Variants in ZBTB25 observed in about 807,000 individuals in gnomAD.
ZBTB25 encodes the protein zinc finger and BTB domain containing 25, also known as zinc finger and BTB domain-containing protein 25.
A neutral mutation model predicts 34.2 loss-of-function variants in ZBTB25; 20 were observed. The ratio of observed to expected loss-of-function variants is 0.58; its 90% CI spans 0.41 to 0.85. ZBTB25 has a LOEUF of 0.85. Ranked by LOEUF, ZBTB25 falls within the 40% of genes least tolerant of loss-of-function variation. ZBTB25 has a pLI of 0.00. For synonymous variants in ZBTB25, 175 were observed against 186.4 expected, an observed-to-expected ratio of 0.94 and a Z score of 0.50; for missense variants, 437 against 521.8, an observed-to-expected ratio of 0.84 and a Z score of 1.58.
At chr14:64,490,313 T>C (rs1386277829) in intron 2 of ZBTB25, 48 bp downstream of exon 2, 3 of 1,407,962 alleles carry the variant, frequency 2.1e-6, no homozygotes, top group Non-Finnish European at 2.9e-6. Flanking sequence ...ATAAAGCTTA[T>C]ATAAATCACA....
Position 64,487,284 on chromosome 14 carries a change from G to A in ZBTB25, c.947C>T (p.Thr316Ile). Residue 316 changes from threonine to isoleucine, a missense_variant, in exon 3 of 3, where the codon ACC becomes ATC. Thr to Ile is a moderately conservative substitution (Grantham distance 89). Coordinates refer to ENST00000608382, the MANE Select transcript of ZBTB25 (RefSeq NM_006977.5). Reference protein sequence around the residue: ...EQQPDHTNRGTTEPLQISQVS... With the variant: ...EQQPDHTNRGITEPLQISQVS... ...TTGACTGATCTGCAAAGGCTCTGTG[G>A]TACCCCGGTTGGTGTGGTCTGGCTG... 1 of 1,614,030 alleles carries A rather than the reference G, an allele frequency of 6.2e-7. No individual in the cohort carries two copies. The highest frequency in any genetic ancestry group is 8.5e-7 in the Non-Finnish European group (1 of 1,180,038).
At chr14:64,468,020 T>G (rs143246842) in intron 2 of ZBTB25, 1 of 156,476 alleles carries the variant, frequency 6.4e-6, no homozygotes, top group East Asian at 1.9e-4. Flanking sequence ...TTTCATTAAG[T>G]TATTATATGG....
chr14:64,468,679 A>C (rs964224672), intron 2 of ZBTB25: 17 of 1,614,104 alleles, frequency 1.1e-5, no homozygotes, highest in Non-Finnish European at 1.4e-5. Flanking sequence ...CAGAGTCTTC[A>C]AAGCAGCAAA....
Position 64,465,066 on chromosome 14 carries a change from T to G in ZBTB25, c.174-15428A>C, listed in dbSNP as rs1197683662. On this transcript the variant is annotated intron_variant, in intron 2 of 2. Transcript: ENST00000555220. ...GACCTCGCTATTCTATGCACAGTTT[T>G]GAATCCTGCTTTTAAAATGCGATGT... Among the ~76,000 whole-genome samples, 4 of 152,370 alleles carry G rather than the reference T, an allele frequency of 2.6e-5. 1 individual carries two copies. In the South Asian group the frequency reaches 8.3e-4, roughly 32 times the overall value.
chr14:64,475,364 G>A (rs1431744689), downstream of ZBTB25, among the ~76,000 whole-genome samples: 1 of 151,912 alleles, frequency 6.6e-6, no homozygotes, highest in Admixed American at 6.6e-5. Flanking sequence ...GCGTGAACCC[G>A]GGAGGCAGAG....
Position 64,485,544 on chromosome 14 carries a change from G to GT in ZBTB25, c.*1378dup, listed in dbSNP as rs1352056253. 8 of 985,144 alleles carry GT rather than the reference G, an allele frequency of 8.1e-6. No homozygotes were observed. The highest frequency in any genetic ancestry group is 9.6e-6 in the Non-Finnish European group (8 of 829,884). 61.0% of individuals were successfully genotyped at this position (985,144 alleles called of 1,614,324 possible). ...TTAATTTTCCTGGGGTTTTAGCTTTGTAAGTGTCACCATTATAAAAGAGAG... is the reference window on the plus strand; with the variant it reads ...TTAATTTTCCTGGGGTTTTAGCTTTGTTAAGTGTCACCATTATAAAAGAGAG... On this transcript the variant is annotated 3_prime_UTR_variant, in exon 3 of 3. Coordinates refer to ENST00000608382, the MANE Select transcript of ZBTB25 (RefSeq NM_006977.5).
downstream of ZBTB25, among the ~76,000 whole-genome samples, chr14:64,476,912 T>C (rs1469955519): frequency 1.3e-5 from 2 of 152,186 alleles, no homozygotes; most frequent in Non-Finnish European, 2.9e-5. Flanking sequence ...ATCACTAGGG[T>C]TCATCAAACT....
chr14:64,463,712 G>C (rs1446209483), intron 2 of ZBTB25, among the ~76,000 whole-genome samples: 1 of 151,568 alleles, frequency 6.6e-6, no homozygotes, highest in Non-Finnish European at 1.5e-5. Context: ...TGGGAGGATT[G>C]CTTGAGCCAG....
rs922996396 is a variant in ZBTB25 at position 64,478,391 on chromosome 14, T to C, written c.*8532A>G. On this transcript the variant is annotated 3_prime_UTR_variant, in exon 3 of 3. Transcript: ENST00000608382. The stretch of plus-strand genomic sequence containing the variant: ...AAGAAAGTCAGTTGTTGAACCACAG[T>C]TGGAAAAGAAAGTAAATTTCAGTAG... The C allele has an allele frequency of 3.9e-5, 6 of 152,150 alleles. No individual in the cohort carries two copies. The highest frequency in any genetic ancestry group is 1.4e-4 in the African/African-American group (6 of 41,414). The allele number at this position is 152,150 out of a possible 1,614,324, so 9.4% of individuals were successfully genotyped here. A position where few individuals can be genotyped will look rare whatever the true frequency, so the allele number is the denominator to read the frequency against.
chr14:64,472,582 T>C (rs889281337), intron 2 of ZBTB25: 1 of 166,988 alleles, frequency 6.0e-6, no homozygotes, highest in African/African-American at 2.4e-5. Flanking sequence ...TCTTAAGAGG[T>C]TTCTGTTTTT....
chr14:64,468,920 G>A, intron 2 of ZBTB25: 2 of 1,614,154 alleles, frequency 1.2e-6, no homozygotes, highest in Non-Finnish European at 1.7e-6. Context: ...GGCAACAAAG[G>A]CTAAGTCAAC....
chr14:64,465,179 C>G (rs1240364896), intron 2 of ZBTB25, among the ~76,000 whole-genome samples: 1 of 152,154 alleles, frequency 6.6e-6, no homozygotes, highest in Non-Finnish European at 1.5e-5. Context: ...CACTATTTAG[C>G]GTCTCAGAAA....
intron 2 of ZBTB25, chr14:64,467,583 T>C (rs899370273): frequency 2.0e-5 from 3 of 152,026 alleles, no homozygotes; most frequent in East Asian, 1.9e-4. Flanking sequence ...AGAAACCTTA[T>C]GTTATAATGG....
chr14:64,456,986 C>T (rs553021634), intron 2 of ZBTB25, among the ~76,000 whole-genome samples: 56 of 152,240 alleles, frequency 3.7e-4, no homozygotes, highest in African/African-American at 1.3e-3. Flanking sequence ...TTTTCACTTG[C>T]AAGCCGTACA....
At chr14:64,453,369 C>G (rs1306247330) in intron 2 of ZBTB25, among the ~76,000 whole-genome samples, 1 of 152,020 alleles carries the variant, frequency 6.6e-6, no homozygotes, top group African/African-American at 2.4e-5. Flanking sequence ...GTTGGGAGTT[C>G]AAGACCAGCC....
chr14:64,475,690 C>A (rs1447365676), downstream of ZBTB25, among the ~76,000 whole-genome samples: 1 of 152,172 alleles, frequency 6.6e-6, no homozygotes, highest in Non-Finnish European at 1.5e-5. Context: ...GTGCACTACA[C>A]ATTCACAGAA....
Position 64,486,727 on chromosome 14 carries a change from A to G in ZBTB25, c.*196T>C, listed in dbSNP as rs1219770288. On this transcript the variant is annotated 3_prime_UTR_variant, in exon 3 of 3. Coordinates refer to ENST00000608382, the MANE Select transcript of ZBTB25 (RefSeq NM_006977.5). The stretch of plus-strand genomic sequence containing the variant: ...TCGTTTGTGAAAAGTTCACAGTAGT[A>G]ATTGAATGTTACATTTTAATAGCCA... 5 of 1,245,476 alleles carry G rather than the reference A, an allele frequency of 4.0e-6. No homozygotes were observed. The highest frequency in any genetic ancestry group is 4.0e-6 in the Non-Finnish European group (4 of 989,326). The allele number at this position is 1,245,476 out of a possible 1,614,324, so 77.2% of individuals were successfully genotyped here.
intron 2 of ZBTB25, chr14:64,458,184 G>T (rs373096230): frequency 6.6e-7 from 1 of 1,510,886 alleles, no homozygotes; most frequent in African/African-American, 1.4e-5. Context: ...CCCAGCATTA[G>T]TTTATTTGTA....
intron 2 of ZBTB25, among the ~76,000 whole-genome samples, chr14:64,488,984 C>T (rs908537906): frequency 6.6e-6 from 1 of 152,150 alleles, no homozygotes; most frequent in Admixed American, 6.5e-5. Context: ...CGGTGGCTCA[C>T]GCCTGTAATT....
Sources: allele counts gnomAD v4.1 joint callset (sites outside exome capture counted in the v4.1 genomes callset), GRCh38; gene constraint gnomAD v4.1.1; transcripts MANE v1.5; gene names NCBI Gene and HGNC (gene_info 2026-07-23, HGNC 2026-07-21).